The following ADGRL2 variants were observed in gnomAD, a reference collection of about 807,000 sequenced individuals.
ADGRL2 encodes the protein adhesion G protein-coupled receptor L2, also known as calcium-independent alpha-latrotoxin receptor 2.
A neutral mutation model predicts 157.4 loss-of-function variants in ADGRL2; 44 were observed. The observed-to-expected ratio is 0.28, with a 90% CI of 0.22 to 0.36. The LOEUF is 0.36. Among genes scored for constraint, ADGRL2 ranks in the 10% least tolerant of loss-of-function variants. ADGRL2 has a pLI of 1.00. For missense variants in ADGRL2, 1,510 were observed against 1,768.9 expected, an observed-to-expected ratio of 0.85 and a Z score of 2.63; for synonymous variants, 585 against 624.7, an observed-to-expected ratio of 0.94 and a Z score of 0.95.
At chr1:81,560,059 T>C (rs1279443388) in intron 2 of ADGRL2, among the ~76,000 whole-genome samples, 1 of 152,202 alleles carries the variant, frequency 6.6e-6, no homozygotes, top group Non-Finnish European at 1.5e-5. Flanking sequence ...TACCTTTTTT[T>C]AATCCAGACA....
chr1:81,943,786 G>A lies in ADGRL2; in HGVS notation c.1210+17G>A, dbSNP rs1412038372. The A allele has an allele frequency of 6.3e-7, 1 of 1,575,172 alleles. No homozygotes were observed. Among genetic ancestry groups the A allele is most frequent in the Admixed American group, 1.8e-5 (1 of 55,336 alleles). On this transcript the variant is annotated intron_variant, in intron 6 of 23. Coordinates refer to ENST00000686636, the MANE Select transcript of ADGRL2 (RefSeq NM_001366006.2). The surrounding 1 kb of genome is among the most constrained non-coding windows in gnomAD (Gnocchi z 5.6). ...CTGCCCAAGGTAAGCGTGTTTACTT[G>A]CTAATGCTTATGTCATTTTGTGAAA...
rs890264843 is a variant in ADGRL2 at position 81,685,405 on chromosome 1, G to A, written c.-142-76406G>A. Among the ~76,000 whole-genome samples the A allele has an allele frequency of 9.9e-5, 15 of 151,996 alleles. 1 individual carries two copies. Among genetic ancestry groups the A allele is most frequent in the African/African-American group, 3.6e-4 (15 of 41,450 alleles). ...TTTTTTTTTTACAGCTATTTTAAAA[G>A]AGGTTGAGTTCTTGATTTGATTCTC... is the stretch of plus-strand genomic sequence containing the variant. On this transcript the variant is annotated intron_variant, in intron 3 of 24. Transcript: ENST00000370721.
chr1:81,387,671 A>C (rs983434198), intron 1 of ADGRL2, among the ~76,000 whole-genome samples: 1 of 152,124 alleles, frequency 6.6e-6, no homozygotes, highest in Non-Finnish European at 1.5e-5. Flanking sequence ...CAATTGTTAG[A>C]TGATAGGCAC....
At chr1:81,589,423 C>T (rs2081088878) in intron 3 of ADGRL2, among the ~76,000 whole-genome samples, 1 of 152,104 alleles carries the variant, frequency 6.6e-6, no homozygotes, top group Non-Finnish European at 1.5e-5. Flanking sequence ...TGCTTCTGAT[C>T]CCCCCTCCCT....
rs75376740 is a variant in ADGRL2 at position 81,376,722 on chromosome 1, A to G, written c.-301-68314A>G. ...GGCATGAGGTCCACTTAACTCATGC[A>G]TGACAGAAGAAGATGTACACCCCAG... On this transcript the variant is annotated intron_variant, in intron 1 of 24. Transcript: ENST00000370721. Among the ~76,000 whole-genome samples the G allele has an allele frequency of 4.2e-3, 637 of 152,192 alleles. 3 individuals are homozygous for G. Among genetic ancestry groups the G allele is most frequent in the Non-Finnish European group, 7.6e-3 (518 of 68,008 alleles).
At chr1:81,818,750 A>G (rs1320299206) in intron 1 of ADGRL2, among the ~76,000 whole-genome samples, 1 of 152,182 alleles carries the variant, frequency 6.6e-6, no homozygotes, top group African/African-American at 2.4e-5. Flanking sequence ...AAGTCATACT[A>G]CGATATCATG....
intron 2 of ADGRL2, among the ~76,000 whole-genome samples, chr1:81,870,186 T>C (rs1268693314): frequency 7.3e-6 from 1 of 137,438 alleles, no homozygotes; most frequent in African/African-American, 2.7e-5. Flanking sequence ...TTTGATAATC[T>C]AACTTTTGTT....
intron 2 of ADGRL2, among the ~76,000 whole-genome samples, chr1:81,879,890 G>C (rs998844440): frequency 1.3e-5 from 2 of 152,124 alleles, no homozygotes; most frequent in African/African-American, 4.8e-5. Flanking sequence ...AGCCGGGCTT[G>C]TTGGCACGCA....
At chr1:81,410,953 C>T (rs1019266051) in intron 1 of ADGRL2, among the ~76,000 whole-genome samples, 19 of 152,172 alleles carry the variant, frequency 1.2e-4, no homozygotes, top group Admixed American at 1.0e-3. Context: ...TTAATGCTTA[C>T]TCACTCAAAC....
rs749064788 is a variant in ADGRL2 at position 81,956,078 on chromosome 1, C to A, written c.2017+18C>A. 3.3e-5 allele frequency: 51 copies of A among 1,554,516 alleles called. No individual in the cohort carries two copies. The highest frequency in any genetic ancestry group is 4.3e-5 in the Non-Finnish European group (50 of 1,149,604). On this transcript the variant is annotated intron_variant, in intron 11 of 23. Coordinates refer to ENST00000686636, the MANE Select transcript of ADGRL2 (RefSeq NM_001366006.2). ...AAATATTGGTAAGTGAATCTACTGTCAAGTTTAATTTTGATTTAGGATATT... is the reference window on the plus strand; with the variant it reads ...AAATATTGGTAAGTGAATCTACTGTAAAGTTTAATTTTGATTTAGGATATT...
intron 1 of ADGRL2, among the ~76,000 whole-genome samples, chr1:81,344,143 A>G (rs1662289919): frequency 6.6e-6 from 1 of 152,186 alleles, no homozygotes; most frequent in South Asian, 2.1e-4. Flanking sequence ...ATCTCAGCTC[A>G]CTGCAACCTC....
intron 2 of ADGRL2, among the ~76,000 whole-genome samples, chr1:81,540,315 C>T (rs2079851508): frequency 6.6e-6 from 1 of 152,098 alleles, no homozygotes; most frequent in Non-Finnish European, 1.5e-5. Context: ...AAAAAATTTA[C>T]TTTAGATTTT....
At chr1:81,502,513 A>G in intron 2 of ADGRL2, 3 of 1,614,040 alleles carry the variant, frequency 1.9e-6, no homozygotes, top group Middle Eastern at 1.7e-4. Flanking sequence ...TCATGGCCAA[A>G]CAGATCCTGG....
intron 3 of ADGRL2, among the ~76,000 whole-genome samples, chr1:81,587,690 A>G (rs1393594380): frequency 1.3e-5 from 2 of 152,142 alleles, no homozygotes; most frequent in Non-Finnish European, 2.9e-5. Context: ...GAGTAACATG[A>G]TAAGAATCGT....
intron 3 of ADGRL2, among the ~76,000 whole-genome samples, chr1:81,640,831 C>T (rs1384306044): frequency 6.6e-6 from 1 of 152,004 alleles, no homozygotes; most frequent in Non-Finnish European, 1.5e-5. Context: ...AGCCGATTTC[C>T]CAGATAGGCC....
upstream of ADGRL2, among the ~76,000 whole-genome samples, chr1:81,797,840 T>C (rs2087669379): frequency 2.0e-5 from 3 of 152,202 alleles, no homozygotes; most frequent in African/African-American, 4.8e-5. Context: ...GTTAAAATGT[T>C]TGAAGCCCAT....
rs1416348756 is a variant in ADGRL2 at position 81,721,409 on chromosome 1, G to A, written c.-143+21601G>A. On this transcript the variant is annotated intron_variant, in intron 1 of 20. Coordinates refer to the ADGRL2 transcript ENST00000359929. ...ACTTTAGTTATATATCCAAACAACC[G>A]ACCCAAATTGATCTTGAACACCAAA... is the stretch of plus-strand genomic sequence containing the variant. 2.0e-5 allele frequency among the ~76,000 whole-genome samples: 3 copies of A among 151,916 alleles called. No individual in the cohort carries two copies. The East Asian group carries it at 5.8e-4, about 29-fold the overall frequency.
At chr1:81,404,026 G>T (rs555930389) in intron 1 of ADGRL2, among the ~76,000 whole-genome samples, 61 of 152,026 alleles carry the variant, frequency 4.0e-4, no homozygotes, top group African/African-American at 1.4e-3. Context: ...TCGATCTCTT[G>T]ACCTCGTAAT....
chr1:81,698,137 A>C (rs1373252764), upstream of ADGRL2, among the ~76,000 whole-genome samples: 1 of 152,190 alleles, frequency 6.6e-6, no homozygotes, highest in African/African-American at 2.4e-5. Flanking sequence ...TTTCATGTGG[A>C]ATAAGGATTA....
Sources: gnomAD v4.1 joint callset for allele counts (sites outside exome capture counted in the v4.1 genomes callset) on GRCh38, gnomAD v4.1.1 for gene constraint, Gnocchi (gnomAD v3.1) non-coding constraint, MANE v1.5 for transcripts, NCBI Gene and HGNC (gene_info 2026-07-23, HGNC 2026-07-21) for gene names.